The following SGSM1 variants were observed in gnomAD, a reference collection of about 807,000 sequenced individuals.
SGSM1 encodes RUN and TBC1 domain containing 2.
SGSM1 carries 73 observed loss-of-function variants against 133.8 expected under a neutral mutation model. The observed-to-expected ratio is 0.55, with a 90% CI of 0.45 to 0.66. The LOEUF (loss-of-function observed/expected upper bound fraction) is 0.66, where lower values mean the gene tolerates loss of function less well. Ranked by LOEUF, SGSM1 falls within the 30% of genes least tolerant of loss-of-function variation. SGSM1 has a pLI of 0.00. For missense variants in SGSM1, 1,213 were observed against 1,448.1 expected, an observed-to-expected ratio of 0.84 and a Z score of 2.64; for synonymous variants, 563 against 573.0, an observed-to-expected ratio of 0.98 and a Z score of 0.25.
At chr22:24,853,317 C>T (rs75978151) in intron 5 of SGSM1, among the ~76,000 whole-genome samples, 8,857 of 152,300 alleles carry the variant, frequency 0.058, 376 homozygotes, top group Non-Finnish European at 0.087. Context: ...GCAAATAAAT[C>T]GCTTACCCTC....
chr22:24,889,107 G>A (rs958520408), intron 16 of SGSM1, among the ~76,000 whole-genome samples: 27 of 151,482 alleles, frequency 1.8e-4, no homozygotes, highest in African/African-American at 5.1e-4. Flanking sequence ...GACTACAGGC[G>A]CCCGACACCA....
chr22:24,891,228 C>T (rs1471950883), intron 16 of SGSM1, among the ~76,000 whole-genome samples: 7 of 152,140 alleles, frequency 4.6e-5, no homozygotes, highest in Non-Finnish European at 8.8e-5. Context: ...GGCATGGTAG[C>T]GTGTGCTTAT....
intron 16 of SGSM1, among the ~76,000 whole-genome samples, chr22:24,890,719 T>A (rs1206135392): frequency 1.3e-5 from 2 of 152,080 alleles, no homozygotes; most frequent in African/African-American, 4.8e-5. Context: ...GTTTTTTGTA[T>A]TTTTAGTAGA....
At chr22:24,845,059 A>T (rs1334894370) in intron 3 of SGSM1, 87 bp downstream of exon 3, 1 of 1,317,476 alleles carries the variant, frequency 7.6e-7, no homozygotes, top group African/African-American at 1.5e-5. Flanking sequence ...TTGCTTTATG[A>T]CTCTGAAGTT....
rs192712567 is a variant in SGSM1, at chr22:24,919,006, G to A, written c.3026-820G>A. On this transcript the variant is annotated intron_variant, in intron 23 of 24. Coordinates refer to ENST00000400358, the MANE Select transcript of SGSM1 (RefSeq NM_001098497.3). ...TCCACCCACCTCAGCCTCCCAAAGTGTTGGGATTACAGGTGTGAGCCACCA... is the reference window on the plus strand; with the variant it reads ...TCCACCCACCTCAGCCTCCCAAAGTATTGGGATTACAGGTGTGAGCCACCA... Among the ~76,000 whole-genome samples, 991 of 136,590 alleles carry A rather than the reference G, an allele frequency of 7.3e-3. 10 individuals carry two copies. The highest frequency in any genetic ancestry group is 0.026 in the African/African-American group (944 of 36,258). 89.6% of individuals were successfully genotyped at this position (136,590 alleles called of 152,430 possible). A position where few individuals can be genotyped will look rare whatever the true frequency, so the allele number is the denominator to read the frequency against.
Position 24,884,189 on chromosome 22 carries a change from C to T in SGSM1, c.1632C>T (p.His544=), listed in dbSNP as rs376253877. 1.2e-5 allele frequency: 19 copies of T among 1,613,536 alleles called. No homozygotes were observed. The highest frequency in any genetic ancestry group is 8.9e-5 in the East Asian group (4 of 44,884). The change falls in exon 15 of 25, where the codon CAC becomes CAT. Residue 544 remains histidine (H), a synonymous_variant. Coordinates refer to ENST00000400358, the MANE Select transcript of SGSM1 (RefSeq NM_001098497.3). ...CCAGGATCTGGGAGCAGTACCTTCA[C>T]GACAGCACAGTAAGGCTTAGCTGGG... is the stretch of plus-strand genomic sequence containing the variant. ...LTARIWEQYL[H]DSTSYEEQEL...
At chr22:24,841,068 T>C (rs5996773) in intron 2 of SGSM1, among the ~76,000 whole-genome samples, 29,352 of 152,010 alleles carry the variant, frequency 0.19, 3,058 homozygotes, top group Admixed American at 0.23. Context: ...GCCAAGATGG[T>C]CTCGATCTCC....
intron 3 of SGSM1, among the ~76,000 whole-genome samples, chr22:24,845,945 CTTT>C (rs1339978967): frequency 3.1e-5 from 1 of 32,626 alleles, no homozygotes; most frequent in East Asian, 6.9e-4. Flanking sequence ...CTTTTCTTTT[CTTT>C]CTTTCTTTCT....
At chr22:24,856,172 G>T (rs1306998379) in intron 8 of SGSM1, 1 of 340,506 alleles carries the variant, frequency 2.9e-6, no homozygotes, top group Non-Finnish European at 5.8e-6. Flanking sequence ...CATTTCCATG[G>T]ACCTGCTATG....
In SGSM1 at chr22:24,926,776, T is replaced by C. The variant is rs1339429109; in HGVS notation, c.*2502T>C. 6.6e-6 allele frequency: 1 copy of C among 152,168 alleles called. No homozygotes were observed. The highest frequency in any genetic ancestry group is 1.5e-5 in the Non-Finnish European group (1 of 68,046). 9.4% of individuals were successfully genotyped at this position (152,168 alleles called of 1,614,324 possible). ...TCTTTTTTTCAGTGTGGCCCACATA[T>C]CTTGTAAATGTTTGCTGAAGAGTTG... On this transcript the variant is annotated 3_prime_UTR_variant, in exon 25 of 25. Transcript: ENST00000400358.
At chr22:24,889,716 C>G (rs1176014980) in intron 16 of SGSM1, among the ~76,000 whole-genome samples, 2 of 147,644 alleles carry the variant, frequency 1.4e-5, no homozygotes, top group South Asian at 2.1e-4. Flanking sequence ...GTGGCGCGAT[C>G]TCGGCTCACT....
chr22:24,896,627 G>GTT (rs142417545), intron 18 of SGSM1, among the ~76,000 whole-genome samples: 10 of 139,262 alleles, frequency 7.2e-5, no homozygotes, highest in African/African-American at 2.3e-4. Context: ...TTGTTTTTTG[G>GTT]TTTTTTTTTT....
At chr22:24,915,045 G>A (rs183192716) in intron 22 of SGSM1, among the ~76,000 whole-genome samples, 1 of 152,070 alleles carries the variant, frequency 6.6e-6, no homozygotes, top group South Asian at 2.1e-4. Context: ...TGGCTAACAC[G>A]GTGAAACCCC....
At chr22:24,889,689 G>T (rs1368343664) in intron 16 of SGSM1, among the ~76,000 whole-genome samples, 19 of 145,344 alleles carry the variant, frequency 1.3e-4, no homozygotes, top group Non-Finnish European at 2.1e-4. Flanking sequence ...TTGCTGTGTC[G>T]CCCAGGCTGG....
intron 23 of SGSM1, among the ~76,000 whole-genome samples, chr22:24,918,859 G>A (rs1933909645): frequency 6.6e-6 from 1 of 152,000 alleles, no homozygotes; most frequent in Non-Finnish European, 1.5e-5. Context: ...AGCCTCCCGA[G>A]TAGCTGGGAG....
At position 24,905,165 on chromosome 22, in the gene SGSM1, A is replaced by G. The variant is rs1933325321; in HGVS notation, c.2796A>G (p.Pro932=). Residue 932 remains proline, a synonymous_variant, in exon 21 of 25, where the codon CCA becomes CCG. Coordinates refer to ENST00000400358, the MANE Select transcript of SGSM1 (RefSeq NM_001098497.3). ...YVQGMCDLLA[P]LLVILDDEAL... ...AGGGCATGTGTGATCTTCTGGCTCC[A>G]CTGCTGGTCATTCTGGATGATGGTG... is the stretch of plus-strand genomic sequence containing the variant. 1.9e-6 allele frequency: 3 copies of G among 1,613,972 alleles called. No homozygotes were observed. Among genetic ancestry groups the G allele is most frequent in the Non-Finnish European group, 2.5e-6 (3 of 1,179,878 alleles).
intron 8 of SGSM1, 152 bp downstream of exon 8, chr22:24,855,832 T>C: frequency 1.7e-6 from 2 of 1,143,348 alleles, no homozygotes. Flanking sequence ...CATTCATCCA[T>C]CCATCTATAT....
chr22:24,872,504 T>C (rs1184287722), intron 12 of SGSM1, among the ~76,000 whole-genome samples: 2 of 152,170 alleles, frequency 1.3e-5, no homozygotes, highest in Non-Finnish European at 2.9e-5. Context: ...AAAAAAAGTC[T>C]CAATAATTTT....
At chr22:24,822,132 C>T (rs1245115152) in intron 2 of SGSM1, among the ~76,000 whole-genome samples, 4 of 130,234 alleles carry the variant, frequency 3.1e-5, no homozygotes, top group Admixed American at 9.1e-5. Flanking sequence ...GCTCTGTTGC[C>T]CAGGCTGGAG....
Sources: gnomAD v4.1 joint callset for allele counts (sites outside exome capture counted in the v4.1 genomes callset) on GRCh38, gnomAD v4.1.1 for gene constraint, MANE v1.5 for transcripts, NCBI Gene and HGNC (gene_info 2026-07-23, HGNC 2026-07-21) for gene names.